Variants in PCDHA1 observed in about 807,000 individuals in gnomAD.
The protein encoded by PCDHA1 is protocadherin alpha 1.
A neutral mutation model predicts 61.3 loss-of-function variants in PCDHA1; 42 were observed. The ratio of observed to expected loss-of-function variants is 0.69; its 90% CI spans 0.54 to 0.89. The LOEUF (loss-of-function observed/expected upper bound fraction) is 0.89. PCDHA1 is among the 40% of genes least tolerant of loss of function. The pLI is 0.00. For synonymous variants in PCDHA1, 610 were observed against 553.8 expected, an observed-to-expected ratio of 1.10 and a Z score of -1.43; for missense variants, 1,256 against 1,235.3, an observed-to-expected ratio of 1.02 and a Z score of -0.25.
chr5:140,829,366 A>G (rs17853691), intron 1 of PCDHA1: 1 of 1,614,210 alleles, frequency 6.2e-7, no homozygotes. Context: ...AGTTGGTGGT[A>G]ACCGCGCGGG....
chr5:140,791,214 G>A (rs1761631437), intron 1 of PCDHA1, among the ~76,000 whole-genome samples: 1 of 152,200 alleles, frequency 6.6e-6, no homozygotes, highest in African/African-American at 2.4e-5. Context: ...TCACTTTTCT[G>A]TTATTTTGAG....
chr5:140,927,453 G>T, intron 1 of PCDHA1: 3 of 1,614,168 alleles, frequency 1.9e-6, no homozygotes, highest in Non-Finnish European at 2.5e-6. Context: ...AGTTGGTGTT[G>T]GAGAAAGCAC....
chr5:140,802,530 G>T (rs1554122187), intron 1 of PCDHA1: 3 of 1,614,208 alleles, frequency 1.9e-6, no homozygotes, highest in East Asian at 2.2e-5. Context: ...GTCCGTGGAG[G>T]TGGCCGACGT....
chr5:140,819,122 A>C (rs1766495452), intron 1 of PCDHA1, among the ~76,000 whole-genome samples: 1 of 152,188 alleles, frequency 6.6e-6, no homozygotes, highest in Non-Finnish European at 1.5e-5. Flanking sequence ...CTTTCTTACT[A>C]TCCTTATAAT....
intron 1 of PCDHA1, chr5:140,856,495 T>C: frequency 6.3e-7 from 1 of 1,598,444 alleles, no homozygotes; most frequent in South Asian, 1.1e-5. Context: ...TGCTTGACTC[T>C]CGATTTCCAC....
Position 140,851,044 on chromosome 5 carries a change from G to A in PCDHA1, c.2394+62360G>A, listed in dbSNP as rs781824317. 121 of 1,389,526 alleles carry A rather than the reference G, an allele frequency of 8.7e-5. 9 individuals are homozygous for A. The highest frequency in any genetic ancestry group is 1.1e-4 in the Non-Finnish European group (114 of 1,060,604). 86.1% of individuals were successfully genotyped at this position (1,389,526 alleles called of 1,614,324 possible). On this transcript the variant is annotated intron_variant, in intron 1 of 3. Transcript: ENST00000504120. ...AAGTAAACCCCTTAACATTGGAGCC[G>A]ACTTTGTCTTGACTTCTAGTGAGAA... is the stretch of plus-strand genomic sequence containing the variant.
At chr5:140,865,235 C>A (rs982582356) in intron 1 of PCDHA1, 2 of 152,098 alleles carry the variant, frequency 1.3e-5, no homozygotes, top group African/African-American at 4.8e-5. Flanking sequence ...CCAGAGAACA[C>A]GTATTTATAG....
chr5:140,955,956 G>C (rs2095241724), intron 1 of PCDHA1, among the ~76,000 whole-genome samples: 1 of 152,050 alleles, frequency 6.6e-6, no homozygotes, highest in Admixed American at 6.6e-5. Flanking sequence ...CTTGCTTGTT[G>C]TTTGTGCATA....
chr5:140,795,980 A>G, intron 1 of PCDHA1: 1 of 1,614,104 alleles, frequency 6.2e-7, no homozygotes, highest in South Asian at 1.1e-5. Context: ...ATTTCATTAA[A>G]ACTTGTGGAC....
chr5:140,790,462 G>C (rs1222287315), intron 1 of PCDHA1, among the ~76,000 whole-genome samples: 1 of 152,192 alleles, frequency 6.6e-6, no homozygotes, highest in Non-Finnish European at 1.5e-5. Context: ...AGTTGATACA[G>C]AGTTGTTGCT....
chr5:141,000,839 C>G (rs1194048512), intron 3 of PCDHA1, among the ~76,000 whole-genome samples: 1 of 151,970 alleles, frequency 6.6e-6, no homozygotes, highest in Admixed American at 6.6e-5. Flanking sequence ...TCCAGGAGAT[C>G]CAGTCTGGCA....
intron 1 of PCDHA1, chr5:140,867,665 T>C (rs2050092984): frequency 6.6e-6 from 1 of 152,154 alleles, no homozygotes; most frequent in Non-Finnish European, 1.5e-5. Context: ...CACTTTCTAC[T>C]CTAAAATTTT....
chr5:140,907,037 A>G (rs2073120356), intron 1 of PCDHA1, among the ~76,000 whole-genome samples: 1 of 152,202 alleles, frequency 6.6e-6, no homozygotes, highest in Non-Finnish European at 1.5e-5. Flanking sequence ...ATAATGTCAC[A>G]GGGACAGTAA....
intron 1 of PCDHA1, chr5:140,802,565 G>C (rs782819489): frequency 1.2e-6 from 2 of 1,614,162 alleles, no homozygotes; most frequent in Non-Finnish European, 1.7e-6. Flanking sequence ...CGGCATTCTC[G>C]CAGTCCGAGT....
chr5:140,797,543 G>GT (rs1554120468), intron 1 of PCDHA1: 1 of 752,594 alleles, frequency 1.3e-6, no homozygotes, highest in African/African-American at 1.8e-5. Flanking sequence ...CTACATAACT[G>GT]TTTTCTTATT....
chr5:140,950,040 C>A (rs1053592525), intron 1 of PCDHA1, among the ~76,000 whole-genome samples: 2 of 151,718 alleles, frequency 1.3e-5, no homozygotes, highest in Non-Finnish European at 3.0e-5. Flanking sequence ...AAGTTACAAC[C>A]ATATAAGACT....
intron 1 of PCDHA1, chr5:140,835,757 C>T (rs1467581889): frequency 2.5e-6 from 4 of 1,613,278 alleles, no homozygotes; most frequent in Admixed American, 1.7e-5. Context: ...TCGCGCAGCC[C>T]GAGTATACGG....
intron 1 of PCDHA1, among the ~76,000 whole-genome samples, chr5:140,898,001 C>G (rs2066457062): frequency 6.6e-6 from 1 of 152,116 alleles, no homozygotes; most frequent in Non-Finnish European, 1.5e-5. Flanking sequence ...TGAGAAGTGT[C>G]TGTTCATATC....
chr5:140,838,883 C>G (rs1775930205), intron 1 of PCDHA1, among the ~76,000 whole-genome samples: 1 of 151,746 alleles, frequency 6.6e-6, no homozygotes, highest in Non-Finnish European at 1.5e-5. Flanking sequence ...CCACTGAACT[C>G]CAGCCTAGGT....
Sources: allele counts gnomAD v4.1 joint callset (sites outside exome capture counted in the v4.1 genomes callset), GRCh38; gene constraint gnomAD v4.1.1; transcripts MANE v1.5; gene names NCBI Gene and HGNC (gene_info 2026-07-23, HGNC 2026-07-21).